The following HCRTR2 variants were observed in gnomAD, a reference collection of about 807,000 sequenced individuals.
The protein encoded by HCRTR2 is hypocretin receptor 2.
HCRTR2 carries 22 observed loss-of-function variants against 49.0 expected under a neutral mutation model. The ratio of observed to expected loss-of-function variants is 0.45; its 90% CI spans 0.32 to 0.64. HCRTR2 has a LOEUF of 0.64. HCRTR2 is among the 30% of genes least tolerant of loss of function. HCRTR2 has a pLI of 0.04. For missense variants in HCRTR2, 491 were observed against 559.4 expected (o/e 0.88, Z 1.23); for synonymous variants, 236 against 205.3 (o/e 1.15, Z -1.28).
At chr6:55,210,196 G>T (rs1161504420) in intron 1 of HCRTR2, among the ~76,000 whole-genome samples, 1 of 151,960 alleles carries the variant, frequency 6.6e-6, no homozygotes, top group African/African-American at 2.4e-5. Context: ...TCTTAGGCAG[G>T]TATGCTTATT....
rs1767218556 is a variant in HCRTR2 at position 55,282,610 on chromosome 6, G to A, written c.*156G>A. ...CTCTTTGGAAATAAAAAAAAAGTCA[G>A]TTTAAAATGATTTCTCAACTTTTGA... On this transcript the variant is annotated 3_prime_UTR_variant, in exon 7 of 7. Transcript: ENST00000370862. The A allele has an allele frequency of 4.9e-6, 3 of 607,052 alleles. No homozygotes were observed. The highest frequency in any genetic ancestry group is 8.7e-6 in the Non-Finnish European group (3 of 345,924). The allele number at this position is 607,052 out of a possible 1,614,324, so 37.6% of individuals were successfully genotyped here.
chr6:55,218,164 G>A (rs1765824425), intron 1 of HCRTR2, among the ~76,000 whole-genome samples: 1 of 152,142 alleles, frequency 6.6e-6, no homozygotes, highest in African/African-American at 2.4e-5. Flanking sequence ...GTGAATCCAT[G>A]AGTAAATTAA....
At chr6:55,257,188 G>A (rs1766669565) in intron 3 of HCRTR2, among the ~76,000 whole-genome samples, 1 of 152,064 alleles carries the variant, frequency 6.6e-6, no homozygotes, top group African/African-American at 2.4e-5. Context: ...GAAACAAGAT[G>A]GGTTGGGGAC....
At chr6:55,257,674 C>T (rs1368576216) in intron 3 of HCRTR2, among the ~76,000 whole-genome samples, 3 of 151,242 alleles carry the variant, frequency 2.0e-5, no homozygotes, top group African/African-American at 7.3e-5. Flanking sequence ...ATACATAAAG[C>T]TCATTTCTAC....
At chr6:55,111,378 G>C (rs1379089442) in intron 1 of HCRTR2, among the ~76,000 whole-genome samples, 2 of 151,956 alleles carry the variant, frequency 1.3e-5, no homozygotes, top group African/African-American at 2.4e-5. Context: ...ACAAAAAGCT[G>C]TTTCTTTGAA....
intron 1 of HCRTR2, among the ~76,000 whole-genome samples, chr6:55,226,066 A>G (rs985250845): frequency 2.0e-5 from 3 of 152,198 alleles, no homozygotes; most frequent in African/African-American, 7.2e-5. Flanking sequence ...GAAACATCCA[A>G]TTGCAGCATC....
At chr6:55,228,917 T>C (rs1428471959) in intron 1 of HCRTR2, among the ~76,000 whole-genome samples, 1 of 152,178 alleles carries the variant, frequency 6.6e-6, no homozygotes. Flanking sequence ...TCAGCACTTT[T>C]TTTTGGGTGA....
intron 1 of HCRTR2, among the ~76,000 whole-genome samples, chr6:55,159,313 G>A (rs540659896): frequency 5.6e-5 from 8 of 143,254 alleles, no homozygotes; most frequent in East Asian, 2.0e-4. Flanking sequence ...CAGCACATCC[G>A]CACAAAAACC....
chr6:55,219,078 C>A (rs2127294994), intron 1 of HCRTR2, among the ~76,000 whole-genome samples: 1 of 152,270 alleles, frequency 6.6e-6, no homozygotes, highest in South Asian at 2.1e-4. Flanking sequence ...ACCTGGGCCT[C>A]CCAAAGTGCT....
chr6:55,229,665 C>T (rs1041197262), intron 1 of HCRTR2, among the ~76,000 whole-genome samples: 1 of 152,224 alleles, frequency 6.6e-6, no homozygotes, highest in Admixed American at 6.5e-5. Context: ...ATTCTACTTA[C>T]ATTAGGTATT....
intron 1 of HCRTR2, among the ~76,000 whole-genome samples, chr6:55,110,665 C>T (rs1459715862): frequency 6.6e-6 from 1 of 151,756 alleles, no homozygotes; most frequent in Non-Finnish European, 1.5e-5. Flanking sequence ...AGGTATAGTG[C>T]AACAGGAAAA....
intron 1 of HCRTR2, among the ~76,000 whole-genome samples, chr6:55,135,976 C>G (rs369687375): frequency 6.6e-6 from 1 of 152,080 alleles, no homozygotes; most frequent in African/African-American, 2.4e-5. Flanking sequence ...GGCTCTAAAA[C>G]GTAGAACATT....
chr6:55,122,091 C>T (rs1764208697), intron 1 of HCRTR2, among the ~76,000 whole-genome samples: 1 of 152,082 alleles, frequency 6.6e-6, no homozygotes, highest in Non-Finnish European at 1.5e-5. Flanking sequence ...TCCATCTGGT[C>T]CTGGACTTTT....
intron 1 of HCRTR2, among the ~76,000 whole-genome samples, chr6:55,206,515 A>T (rs990532373): frequency 6.6e-6 from 1 of 151,384 alleles, no homozygotes; most frequent in Non-Finnish European, 1.5e-5. Flanking sequence ...GCTATGTGAG[A>T]CTATAAAGAG....
intron 1 of HCRTR2, among the ~76,000 whole-genome samples, chr6:55,111,416 G>C (rs1042596805): frequency 6.6e-5 from 10 of 151,862 alleles, no homozygotes; most frequent in African/African-American, 2.4e-4. Context: ...ACATTAGTCA[G>C]ATTAACTGAA....
At chr6:55,275,699 C>A (rs1028496550) in intron 4 of HCRTR2, among the ~76,000 whole-genome samples, 2 of 151,522 alleles carry the variant, frequency 1.3e-5, no homozygotes, top group Non-Finnish European at 2.9e-5. Flanking sequence ...CAACATCCAC[C>A]TCCTGGGTTC....
At chr6:55,284,431 G>T (rs1244824516), downstream of HCRTR2, among the ~76,000 whole-genome samples, 1 of 152,098 alleles carries the variant, frequency 6.6e-6, no homozygotes, top group Non-Finnish European at 1.5e-5. Flanking sequence ...AACTTTAGGG[G>T]TGATAGCCCA....
chr6:55,251,026 A>G (rs1164721456), intron 2 of HCRTR2, among the ~76,000 whole-genome samples: 1 of 152,158 alleles, frequency 6.6e-6, no homozygotes, highest in African/African-American at 2.4e-5. Flanking sequence ...CATTTTTCAT[A>G]GAATGTTCCC....
intron 1 of HCRTR2, among the ~76,000 whole-genome samples, chr6:55,214,616 C>T (rs1765756179): frequency 6.6e-6 from 1 of 151,892 alleles, no homozygotes; most frequent in South Asian, 2.1e-4. Flanking sequence ...ATTGGGATTA[C>T]AGGCATGAGC....
Sources: gnomAD v4.1 joint callset for allele counts (sites outside exome capture counted in the v4.1 genomes callset) on GRCh38, gnomAD v4.1.1 for gene constraint, MANE v1.5 for transcripts, NCBI Gene and HGNC (gene_info 2026-07-23, HGNC 2026-07-21) for gene names.